The following PCDHA3 variants were observed in gnomAD, a reference collection of about 807,000 sequenced individuals.
PCDHA3 encodes protocadherin alpha-3.
A neutral mutation model predicts 62.2 loss-of-function variants in PCDHA3; 41 were observed. That is an observed-to-expected ratio of 0.66 (90% confidence interval 0.51 to 0.86). The LOEUF (loss-of-function observed/expected upper bound fraction) is 0.86. Ranked by LOEUF, PCDHA3 falls within the 40% of genes least tolerant of loss-of-function variation. PCDHA3 has a pLI of 0.00. For synonymous variants in PCDHA3, 640 were observed against 555.4 expected, an observed-to-expected ratio of 1.15 and a Z score of -2.14; for missense variants, 1,304 against 1,241.2, an observed-to-expected ratio of 1.05 and a Z score of -0.76.
At chr5:140,836,285 A>G (rs1774338126) in intron 1 of PCDHA3, 1 of 1,613,756 alleles carries the variant, frequency 6.2e-7, no homozygotes, top group Non-Finnish European at 8.5e-7. Context: ...TCAGCACGAC[A>G]CGAGCCCTAG....
chr5:140,920,519 C>T lies in PCDHA3; in HGVS notation c.2395-58430C>T, dbSNP rs555001599. Among the ~76,000 whole-genome samples the T allele has an allele frequency of 2.9e-4, 44 of 152,246 alleles. 2 individuals are homozygous for T. The highest frequency in any genetic ancestry group is 2.8e-4 in the Non-Finnish European group (19 of 68,008). On this transcript the variant is annotated intron_variant, in intron 1 of 3. Coordinates refer to ENST00000522353, the MANE Select transcript of PCDHA3 (RefSeq NM_018906.3). The stretch of plus-strand genomic sequence containing the variant: ...GTTCTACATACTGTTTTATGCAATT[C>T]GTTAGACTCAGGTTTTCTATTTCAC...
chr5:140,908,455 A>G (rs1425485479), intron 1 of PCDHA3, among the ~76,000 whole-genome samples: 7 of 152,178 alleles, frequency 4.6e-5, no homozygotes, highest in South Asian at 4.1e-4. Flanking sequence ...GGCTAGATGG[A>G]TCAGAAAGCA....
chr5:140,823,742 C>T (rs1767853747), intron 1 of PCDHA3: 2 of 1,613,716 alleles, frequency 1.2e-6, no homozygotes, highest in Non-Finnish European at 1.7e-6. Context: ...CATGGAGAGC[C>T]CCCGCTGACA....
intron 1 of PCDHA3, chr5:140,828,544 G>C: frequency 6.2e-7 from 1 of 1,614,214 alleles, no homozygotes; most frequent in Non-Finnish European, 8.5e-7. Flanking sequence ...CAGATTCTGT[G>C]TTTCCACTGG....
chr5:140,988,423 T>G (rs2097297373), intron 3 of PCDHA3, among the ~76,000 whole-genome samples: 2 of 152,176 alleles, frequency 1.3e-5, no homozygotes. Context: ...GTAAAGAATT[T>G]GTTTGTTTTG....
At chr5:140,808,651 G>C (rs144041965) in intron 1 of PCDHA3, 19 of 1,613,192 alleles carry the variant, frequency 1.2e-5, no homozygotes, top group Admixed American at 1.7e-5. Context: ...AGGAGAACGC[G>C]CTGGTGTCCT....
intron 1 of PCDHA3, among the ~76,000 whole-genome samples, chr5:140,917,553 T>C (rs1220066857): frequency 6.6e-6 from 1 of 152,258 alleles, no homozygotes; most frequent in African/African-American, 2.4e-5. Context: ...TACATTTAAC[T>C]CTTTAATCCA....
chr5:140,921,741 A>G (rs1437643098), intron 1 of PCDHA3, among the ~76,000 whole-genome samples: 1 of 152,202 alleles, frequency 6.6e-6, no homozygotes, highest in Non-Finnish European at 1.5e-5. Context: ...AATTATAAGC[A>G]TAACAGGACA....
intron 1 of PCDHA3, chr5:140,969,495 C>G: frequency 7.0e-7 from 1 of 1,437,888 alleles, no homozygotes; most frequent in Non-Finnish European, 9.2e-7. Context: ...TATTTCCTCT[C>G]TAGAAAAATA....
intron 1 of PCDHA3, chr5:140,875,768 G>C (rs997656321): frequency 6.2e-7 from 1 of 1,614,144 alleles, no homozygotes; most frequent in African/African-American, 1.3e-5. Flanking sequence ...TGCGGGCGGA[G>C]CGCGGAGTGC....
intron 2 of PCDHA3, among the ~76,000 whole-genome samples, chr5:140,980,258 G>A (rs2096882497): frequency 6.6e-6 from 1 of 152,164 alleles, no homozygotes; most frequent in Non-Finnish European, 1.5e-5. Context: ...GTAAAAGCAT[G>A]GTTTACAGTA....
At chr5:140,840,775 T>C (rs1318625823) in intron 1 of PCDHA3, among the ~76,000 whole-genome samples, 1 of 152,052 alleles carries the variant, frequency 6.6e-6, no homozygotes, top group Non-Finnish European at 1.5e-5. Flanking sequence ...GTAGAAAAGT[T>C]AGAATTATAT....
intron 1 of PCDHA3, chr5:140,870,960 C>A: frequency 6.2e-7 from 1 of 1,613,670 alleles, no homozygotes. Flanking sequence ...GCTCGCGCAT[C>A]CCGTTCCGCG....
At chr5:140,836,835 C>T (rs1774769816) in intron 1 of PCDHA3, 2 of 878,888 alleles carry the variant, frequency 2.3e-6, no homozygotes, top group Non-Finnish European at 1.7e-6. Flanking sequence ...TAGTTGATAG[C>T]TTTATGTATA....
chr5:140,872,999 T>C (rs534267052), intron 1 of PCDHA3, among the ~76,000 whole-genome samples: 3 of 152,296 alleles, frequency 2.0e-5, no homozygotes, highest in African/African-American at 7.2e-5. Context: ...TACTTCTGAG[T>C]CATTCTTCAT....
At chr5:140,809,367 C>A (rs543555386) in intron 1 of PCDHA3, 4 of 1,613,970 alleles carry the variant, frequency 2.5e-6, no homozygotes. Context: ...TCTGCGCTGC[C>A]CACCGAGGGC....
intron 1 of PCDHA3, chr5:140,882,281 T>C (rs1554173360): frequency 6.2e-7 from 1 of 1,612,634 alleles, no homozygotes; most frequent in African/African-American, 1.3e-5. Context: ...GCTGTCTTCC[T>C]GGCAAGGAGG....
intron 1 of PCDHA3, among the ~76,000 whole-genome samples, chr5:140,827,548 A>G (rs1562291088): frequency 1.3e-5 from 2 of 152,142 alleles, no homozygotes; most frequent in African/African-American, 2.4e-5. Context: ...TTTAAGTTAC[A>G]TTTTTTCCCT....
intron 1 of PCDHA3, among the ~76,000 whole-genome samples, chr5:140,964,434 G>A (rs1332567720): frequency 6.6e-6 from 1 of 152,104 alleles, no homozygotes; most frequent in Non-Finnish European, 1.5e-5. Context: ...AAATTACCAA[G>A]CCTCTGCCAC....
Sources: gnomAD v4.1 joint callset for allele counts (sites outside exome capture counted in the v4.1 genomes callset) on GRCh38, gnomAD v4.1.1 for gene constraint, MANE v1.5 for transcripts, NCBI Gene and HGNC (gene_info 2026-07-23, HGNC 2026-07-21) for gene names.